OR9G4: variants seen among roughly 807,000 people sequenced by gnomAD.
OR9G4 encodes the protein olfactory receptor family 9 subfamily G member 4.
A neutral mutation model predicts 16.7 loss-of-function variants in OR9G4; 19 were observed. That is an observed-to-expected ratio of 1.14 (90% CI 0.79 to 1.67). The LOEUF is 1.67. Ranked by LOEUF, OR9G4 falls within the 40% of genes most tolerant of loss-of-function variation. The pLI, the probability that OR9G4 is intolerant of heterozygous loss-of-function variation, is 0.00. For missense variants in OR9G4, 428 were observed against 370.4 expected (o/e 1.16, Z -1.28); for synonymous variants, 182 against 146.2 (o/e 1.24, Z -1.76).
chr11:56,747,624 T>C (rs1370114937), intron 1 of OR9G4, among the ~76,000 whole-genome samples: 1 of 152,162 alleles, frequency 6.6e-6, no homozygotes, highest in African/African-American at 2.4e-5. Flanking sequence ...GAGTGAGTAA[T>C]TGGTTAATTA....
At chr11:56,744,003 G>A in intron 1 of OR9G4, 5 of 579,708 alleles carry the variant, frequency 8.6e-6, no homozygotes, top group Non-Finnish European at 1.2e-5. Flanking sequence ...ACTATTTAAT[G>A]CAGGACAAGA....
At position 56,742,505 on chromosome 11, in the gene OR9G4, T is replaced by A. The variant is rs902830731; in HGVS notation, c.*323A>T. The A allele has an allele frequency of 2.3e-5, 5 of 219,388 alleles. No homozygotes were observed. Among genetic ancestry groups the A allele is most frequent in the Non-Finnish European group, 4.5e-5 (5 of 111,302 alleles). 13.6% of individuals were successfully genotyped at this position (219,388 alleles called of 1,614,324 possible). The stretch of plus-strand genomic sequence containing the variant: ...TGCTTACCAAACTTCAAAGTCAAAC[T>A]ATATTCATTAACCCACGTAATTTAT... On this transcript the variant is annotated 3_prime_UTR_variant, in exon 2 of 2. Transcript: ENST00000641668.
intron 1 of OR9G4, among the ~76,000 whole-genome samples, chr11:56,746,463 A>G (rs1858418550): frequency 6.6e-6 from 1 of 152,192 alleles, no homozygotes; most frequent in Non-Finnish European, 1.5e-5. Context: ...TCAAATATGA[A>G]TATGTACATA....
At position 56,744,939 on chromosome 11, in the gene OR9G4, A is replaced by G. The variant is rs1858382160; in HGVS notation, c.-22-1151T>C. On this transcript the variant is annotated intron_variant, in intron 1 of 1. Coordinates refer to ENST00000641668, the MANE Select transcript of OR9G4 (RefSeq NM_001005284.2). Reference sequence around the variant, plus strand: ...AGGTCTGGCATAGGCAGAATTGCCCAAGTGATATGGCATCTGAGTTCAAAC... The same window carrying G: ...AGGTCTGGCATAGGCAGAATTGCCCGAGTGATATGGCATCTGAGTTCAAAC... Among the ~76,000 whole-genome samples, 9 of 152,320 alleles carry G rather than the reference A, an allele frequency of 5.9e-5. No homozygotes were observed. The South Asian group carries it at 1.5e-3, about 25-fold the overall frequency.
chr11:56,746,076 A>G (rs1036253060), intron 1 of OR9G4, among the ~76,000 whole-genome samples: 16 of 151,884 alleles, frequency 1.1e-4, no homozygotes, highest in African/African-American at 2.9e-4. Context: ...GGCGGATCAC[A>G]AGGTCAGGAG....
At position 56,743,290 on chromosome 11, in the gene OR9G4, A is replaced by G. The variant is rs571315457; in HGVS notation, c.477T>C (p.His159=). Reference sequence around the variant, plus strand: ...AATGCAGGCGGAATGTATTGGCAGTATGGGCTATGGCATTCAAAAATCCTC... The same window carrying G: ...AATGCAGGCGGAATGTATTGGCAGTGTGGGCTATGGCATTCAAAAATCCTC... The part of the protein sequence containing the change: ...YIGGFLNAIA[H]TANTFRLHFC... The change falls in exon 2 of 2, where the codon CAT becomes CAC. Residue 159 remains histidine (H), a synonymous_variant. Transcript: ENST00000641668. 6.8e-6 allele frequency: 11 copies of G among 1,614,170 alleles called. No homozygotes were observed. Among genetic ancestry groups the G allele is most frequent in the Admixed American group, 1.7e-5 (1 of 60,014 alleles).
rs1858292630 is a variant in OR9G4 at position 56,741,250 on chromosome 11, TGA to T, written c.*1576_*1577del. On this transcript the variant is annotated 3_prime_UTR_variant, in exon 2 of 2. Coordinates refer to ENST00000641668, the MANE Select transcript of OR9G4 (RefSeq NM_001005284.2). ...TTCTTTGTGTTTCGTTTGTTTGTTA[TGA>T]TTTTGAGATCAGACTATAATATATA... The T allele has an allele frequency of 3.0e-6, 1 of 332,886 alleles. No individual in the cohort carries two copies. Among genetic ancestry groups the T allele is most frequent in the East Asian group, 9.2e-5 (1 of 10,846 alleles). The allele number at this position is 332,886 out of a possible 1,614,324, so 20.6% of individuals were successfully genotyped here.
At chr11:56,747,434 CTG>C (rs1858435539) in intron 1 of OR9G4, among the ~76,000 whole-genome samples, 1 of 152,090 alleles carries the variant, frequency 6.6e-6, no homozygotes, top group Admixed American at 6.5e-5. Flanking sequence ...TCCAATTCTA[CTG>C]TGTTATCCCC....
rs773588671 is a variant in OR9G4, at chr11:56,743,021, A to G, written c.746T>C (p.Met249Thr). 6.2e-6 allele frequency: 10 copies of G among 1,613,992 alleles called. No homozygotes were observed. The highest frequency in any genetic ancestry group is 1.3e-5 in the African/African-American group (1 of 74,928). Residue 249 changes from methionine (M) to threonine (T), a missense_variant, in exon 2 of 2, where the codon ATG (methionine) becomes ACG (threonine). Coordinates refer to ENST00000641668, the MANE Select transcript of OR9G4 (RefSeq NM_001005284.2). ...STCASHLISV[M>T]LFYGSLLFMY... ...AAACAACAATGATCCATAGAAGAGCATGACTGAGATGAGGTGGGAAGCACA... is the reference window on the plus strand; with the variant it reads ...AAACAACAATGATCCATAGAAGAGCGTGACTGAGATGAGGTGGGAAGCACA...
intron 1 of OR9G4, among the ~76,000 whole-genome samples, chr11:56,748,029 G>A (rs1858447832): frequency 2.0e-5 from 3 of 152,170 alleles, no homozygotes; most frequent in African/African-American, 4.8e-5. Flanking sequence ...CTATCCTCAA[G>A]TGGACTTTCC....
intron 1 of OR9G4, among the ~76,000 whole-genome samples, chr11:56,746,999 G>A (rs1048783425): frequency 6.6e-6 from 1 of 152,008 alleles, no homozygotes; most frequent in Non-Finnish European, 1.5e-5. Flanking sequence ...AGTTGCTTCT[G>A]TATTTAAAAC....
Position 56,743,559 on chromosome 11 carries a change from C to T in OR9G4, c.208G>A (p.Asp70Asn). The T allele has an allele frequency of 1.2e-6, 2 of 1,613,896 alleles. No homozygotes were observed. The highest frequency in any genetic ancestry group is 1.7e-6 in the Non-Finnish European group (2 of 1,179,974). Residue 70 changes from aspartate (D) to asparagine (N), a missense_variant, in exon 2 of 2, where the codon GAT (aspartate) becomes AAT (asparagine). Coordinates refer to ENST00000641668, the MANE Select transcript of OR9G4 (RefSeq NM_001005284.2). ...GTATACACAGAGGTATACCAGAAAT[C>T]CAAAAAAGACAGATTGCCAATGAAA... ...YFFIGNLSFLDFWYTSVYTPK... is the reference protein window; with the variant it reads ...YFFIGNLSFLNFWYTSVYTPK...
Position 56,743,028 on chromosome 11 carries a change from AGAT to A in OR9G4, c.736_738del (p.Ile246del). 3.1e-6 allele frequency: 5 copies of A among 1,614,060 alleles called. No homozygotes were observed. In the South Asian group the frequency reaches 5.5e-5, roughly 18 times the overall value. ...AATGATCCATAGAAGAGCATGACTG[AGAT>A]GAGGTGGGAAGCACAGGTGGAGAAT... On this transcript the variant is annotated inframe_deletion, in exon 2 of 2. Coordinates refer to ENST00000641668, the MANE Select transcript of OR9G4 (RefSeq NM_001005284.2).
At position 56,743,259 on chromosome 11, in the gene OR9G4, C is replaced by A; in HGVS notation, c.508G>T (p.Gly170Cys). 1 of 1,614,074 alleles carries A rather than the reference C, an allele frequency of 6.2e-7. No homozygotes were observed. Residue 170 changes from glycine (G) to cysteine (C), a missense_variant, in exon 2 of 2, where the codon GGT becomes TGT. Physicochemically the swap from Gly to Cys is radical, Grantham distance 159 (BLOSUM62 -3). Transcript: ENST00000641668. ...AAAAAGTGGTCAATGATATTTTTAC[C>A]ACAAAAATGCAGGCGGAATGTATTG... ...TANTFRLHFC[G>C]KNIIDHFFCD...
intron 1 of OR9G4, among the ~76,000 whole-genome samples, chr11:56,747,247 G>T (rs374951576): frequency 6.6e-6 from 1 of 151,410 alleles, no homozygotes; most frequent in Non-Finnish European, 1.5e-5. Context: ...ATGACTGTCT[G>T]TTCCCTCTGC....
rs867938563 is a variant in OR9G4 at position 56,743,009 on chromosome 11, C to A, written c.758G>T (p.Gly253Val). Reference sequence around the variant, plus strand: ...CCTTGAATACATAAACAACAATGATCCATAGAAGAGCATGACTGAGATGAG... The same window carrying A: ...CCTTGAATACATAAACAACAATGATACATAGAAGAGCATGACTGAGATGAG... ...SHLISVMLFY[G>V]SLLFMYSRPS... The change falls in exon 2 of 2, where the codon GGA (glycine) becomes GTA (valine). Residue 253 changes from glycine (G) to valine (V), a missense_variant. By Grantham distance (109) the Gly-to-Val change is moderately radical. Coordinates refer to ENST00000641668, the MANE Select transcript of OR9G4 (RefSeq NM_001005284.2). 8 of 1,613,914 alleles carry A rather than the reference C, an allele frequency of 5.0e-6. No homozygotes were observed. Among genetic ancestry groups the A allele is most frequent in the African/African-American group, 1.3e-5 (1 of 74,894 alleles).
At position 56,743,083 on chromosome 11, in the gene OR9G4, G is replaced by T; in HGVS notation, c.684C>A (p.Ile228=). 6.2e-7 allele frequency: 1 copy of T among 1,614,170 alleles called. No individual in the cohort carries two copies. The highest frequency in any genetic ancestry group is 1.1e-5 in the South Asian group (1 of 91,082). The change falls in exon 2 of 2, where the codon ATC becomes ATA. Residue 228 remains isoleucine, a synonymous_variant. Coordinates refer to ENST00000641668, the MANE Select transcript of OR9G4 (RefSeq NM_001005284.2). ...CCTTGTGTCTTCCTGAAGCTGAGTGGATTCTCAGGATAGCCAGGAGGATGT... is the reference window on the plus strand; with the variant it reads ...CCTTGTGTCTTCCTGAAGCTGAGTGTATTCTCAGGATAGCCAGGAGGATGT... ...YVNILLAILR[I]HSASGRHKAF...
chr11:56,742,374 G>C lies in OR9G4; in HGVS notation c.*454C>G, dbSNP rs1858315113. Reference sequence around the variant, plus strand: ...CCTATATGCTCAATTAGAGCTTTCTGAAGAAATTTTGAGGAAATGATTTTC... The same window carrying C: ...CCTATATGCTCAATTAGAGCTTTCTCAAGAAATTTTGAGGAAATGATTTTC... On this transcript the variant is annotated 3_prime_UTR_variant, in exon 2 of 2. Coordinates refer to ENST00000641668, the MANE Select transcript of OR9G4 (RefSeq NM_001005284.2). 6.3e-6 allele frequency: 1 copy of C among 159,452 alleles called. No individual in the cohort carries two copies. Among genetic ancestry groups the C allele is most frequent in the South Asian group, 1.8e-4 (1 of 5,514 alleles). The allele number at this position is 159,452 out of a possible 1,614,324, so 9.9% of individuals were successfully genotyped here. A position where few individuals can be genotyped will look rare whatever the true frequency, so the allele number is the denominator to read the frequency against.
At chr11:56,748,606 G>C (rs1432250696) in intron 1 of OR9G4, 50 bp downstream of exon 1, 1 of 152,232 alleles carries the variant, frequency 6.6e-6, no homozygotes, top group Non-Finnish European at 1.5e-5. Flanking sequence ...TTGCAGCTGA[G>C]GTCAGAGAAA....
Sources: gnomAD v4.1 joint callset for allele counts (sites outside exome capture counted in the v4.1 genomes callset) on GRCh38, gnomAD v4.1.1 for gene constraint, MANE v1.5 for transcripts, NCBI Gene and HGNC (gene_info 2026-07-23, HGNC 2026-07-21) for gene names.